TECRL: variants seen among roughly 807,000 people sequenced by gnomAD.
The protein encoded by TECRL is trans-2,3-enoyl-CoA reductase like.
A neutral mutation model predicts 52.8 loss-of-function variants in TECRL; 63 were observed. The observed-to-expected ratio is 1.19, with a 90% confidence interval of 0.97 to 1.47. The LOEUF (loss-of-function observed/expected upper bound fraction) is 1.47. TECRL is among the 40% of genes most tolerant of loss of function. The pLI is 0.00. For synonymous variants in TECRL, 164 were observed against 141.9 expected, an observed-to-expected ratio of 1.16 and a Z score of -1.10; for missense variants, 482 against 429.6, an observed-to-expected ratio of 1.12 and a Z score of -1.08.
chr4:64,388,865 T>C (rs1415522142), intron 1 of TECRL, among the ~76,000 whole-genome samples: 1 of 151,912 alleles, frequency 6.6e-6, no homozygotes, highest in Non-Finnish European at 1.5e-5. Flanking sequence ...TTGTTTTATA[T>C]ATAATTTTGA....
rs1427998258 is a variant in TECRL, at chr4:64,387,328, T to G, written c.235-12105A>C. 1.3e-5 allele frequency among the ~76,000 whole-genome samples: 2 copies of G among 152,160 alleles called. 1 individual carries two copies. Among genetic ancestry groups the G allele is most frequent in the Non-Finnish European group, 2.9e-5 (2 of 67,990 alleles). ...TTCACCTACTGAAAGACATCTTGGTTGTTTGCAAGTACTGGCAATTGTGGA... is the reference window on the plus strand; with the variant it reads ...TTCACCTACTGAAAGACATCTTGGTGGTTTGCAAGTACTGGCAATTGTGGA... On this transcript the variant is annotated intron_variant, in intron 1 of 11. Transcript: ENST00000381210.
intron 2 of TECRL, among the ~76,000 whole-genome samples, chr4:64,365,084 G>C (rs1005862762): frequency 6.6e-6 from 1 of 152,024 alleles, no homozygotes; most frequent in East Asian, 1.9e-4. Flanking sequence ...TATTGAACAG[G>C]TGGTTCAAGG....
rs1722635111 is a variant in TECRL, at chr4:64,278,010, A to T, written c.*2062T>A. The T allele has an allele frequency of 1.3e-5, 2 of 151,752 alleles. No homozygotes were observed. Among genetic ancestry groups the T allele is most frequent in the East Asian group, 3.9e-4 (2 of 5,176 alleles). The allele number at this position is 151,752 out of a possible 1,614,324, so 9.4% of individuals were successfully genotyped here. A position where few individuals can be genotyped will look rare whatever the true frequency, so the allele number is the denominator to read the frequency against. On this transcript the variant is annotated 3_prime_UTR_variant, in exon 12 of 12. Coordinates refer to ENST00000381210, the MANE Select transcript of TECRL (RefSeq NM_001010874.5). The stretch of plus-strand genomic sequence containing the variant: ...AATTACCAATGTACTTTTGCTTTGC[A>T]AGTGCATACAATCCATTTGAAATAT...
chr4:64,321,151 C>T (rs181827484), intron 4 of TECRL, among the ~76,000 whole-genome samples: 1 of 151,734 alleles, frequency 6.6e-6, no homozygotes, highest in Admixed American at 6.6e-5. Context: ...TTAATGAAAA[C>T]ATAAAATAGA....
At chr4:64,319,515 C>G (rs1371739906) in intron 4 of TECRL, among the ~76,000 whole-genome samples, 1 of 151,668 alleles carries the variant, frequency 6.6e-6, no homozygotes, top group Non-Finnish European at 1.5e-5. Flanking sequence ...GATGAAAAGA[C>G]AAGTTAAAGA....
At chr4:64,304,029 A>C (rs1467881419) in intron 7 of TECRL, among the ~76,000 whole-genome samples, 1 of 151,828 alleles carries the variant, frequency 6.6e-6, no homozygotes, top group Non-Finnish European at 1.5e-5. Context: ...TTAATTAAAA[A>C]TAAATAGCAT....
chr4:64,312,541 C>T (rs910221651), intron 5 of TECRL, among the ~76,000 whole-genome samples: 11 of 152,028 alleles, frequency 7.2e-5, no homozygotes, highest in Admixed American at 1.3e-4. Flanking sequence ...GCAGGAGGAT[C>T]CCTTGAGCCC....
intron 4 of TECRL, among the ~76,000 whole-genome samples, chr4:64,320,192 T>C (rs1717804783): frequency 6.6e-6 from 1 of 151,916 alleles, no homozygotes; most frequent in Non-Finnish European, 1.5e-5. Flanking sequence ...CTAAGTTTTT[T>C]AGTAAGTTAA....
intron 1 of TECRL, among the ~76,000 whole-genome samples, chr4:64,396,212 G>T (rs1029347849): frequency 8.5e-5 from 13 of 152,086 alleles, no homozygotes; most frequent in Non-Finnish European, 1.8e-4. Context: ...GGGCTGAATG[G>T]TAGTTCTGCT....
intron 9 of TECRL, among the ~76,000 whole-genome samples, chr4:64,282,379 A>G (rs1436467151): frequency 6.6e-6 from 1 of 152,074 alleles, no homozygotes; most frequent in Non-Finnish European, 1.5e-5. Flanking sequence ...ATAACTCTGA[A>G]GTCATAATAA....
At chr4:64,276,790 A>G (rs1722590723), downstream of TECRL, 2 of 306,096 alleles carry the variant, frequency 6.5e-6, no homozygotes, top group African/African-American at 2.1e-5. Flanking sequence ...CAAACTTATT[A>G]TTTACATAAA....
chr4:64,372,271 G>T (rs373799209), intron 2 of TECRL, among the ~76,000 whole-genome samples: 1 of 151,740 alleles, frequency 6.6e-6, no homozygotes, highest in Non-Finnish European at 1.5e-5. Context: ...TGCAGCTGGG[G>T]ACATTTCATG....
intron 2 of TECRL, among the ~76,000 whole-genome samples, chr4:64,329,687 C>G (rs1718496298): frequency 6.6e-6 from 1 of 151,728 alleles, no homozygotes; most frequent in South Asian, 2.1e-4. Flanking sequence ...AGATAATTAG[C>G]TCCGTGACTT....
intron 1 of TECRL, among the ~76,000 whole-genome samples, chr4:64,381,894 T>G (rs78132097): frequency 0.013 from 2,011 of 152,082 alleles, 22 homozygotes; most frequent in Non-Finnish European, 0.02. Flanking sequence ...CACGTGTGTG[T>G]GGGGGGATGT....
At chr4:64,306,230 C>A (rs930245818) in intron 6 of TECRL, among the ~76,000 whole-genome samples, 20 of 152,160 alleles carry the variant, frequency 1.3e-4, no homozygotes, top group Admixed American at 1.3e-3. Flanking sequence ...ACAAGCTTAC[C>A]AATGAGGACT....
Position 64,322,773 on chromosome 4 carries a change from G to A in TECRL, c.351C>T (p.Asp117=). The A allele has an allele frequency of 1.2e-6, 2 of 1,606,716 alleles. No individual in the cohort carries two copies. The highest frequency in any genetic ancestry group is 1.7e-6 in the Non-Finnish European group (2 of 1,176,748). Residue 117 remains aspartate, a synonymous_variant, in exon 4 of 12, where the codon GAC becomes GAT. Coordinates refer to ENST00000381210, the MANE Select transcript of TECRL (RefSeq NM_001010874.5). ...CTGCAATACTTTGAATGGTAATGTA[G>A]TCCTTCAAAAAAGGCCCGCCTAAAA... ...QLECGGPFLK[D]YITIQSIAAS... is the part of the protein sequence containing the mutation.
chr4:64,408,513 A>C (rs1724880580), intron 1 of TECRL, among the ~76,000 whole-genome samples: 1 of 152,038 alleles, frequency 6.6e-6, no homozygotes, highest in Admixed American at 6.6e-5. Context: ...ACACCTGTGA[A>C]TATGGATTTG....
chr4:64,333,784 G>T lies in TECRL; in HGVS notation c.287-5228C>A, dbSNP rs1050218007. 1.7e-4 allele frequency among the ~76,000 whole-genome samples: 25 copies of T among 147,924 alleles called. 3 individuals are homozygous for T. Among genetic ancestry groups the T allele is most frequent in the African/African-American group, 6.4e-4 (25 of 38,818 alleles). ...GCCTGTAATCCCAGCACTTTGGGAG[G>T]CCGAGGCGGGTGGATCATGAGGTCA... is the stretch of plus-strand genomic sequence containing the variant. On this transcript the variant is annotated intron_variant, in intron 2 of 11. Transcript: ENST00000381210.
intron 9 of TECRL, among the ~76,000 whole-genome samples, chr4:64,285,107 T>C (rs1723016894): frequency 6.6e-6 from 1 of 152,120 alleles, no homozygotes. Context: ...GGAATATATA[T>C]ACTTTGTAGT....
Sources: gnomAD v4.1 joint callset for allele counts (sites outside exome capture counted in the v4.1 genomes callset) on GRCh38, gnomAD v4.1.1 for gene constraint, MANE v1.5 for transcripts, NCBI Gene and HGNC (gene_info 2026-07-23, HGNC 2026-07-21) for gene names.